GSPT1: variants seen among roughly 807,000 people sequenced by gnomAD.
GSPT1 encodes the protein eukaryotic peptide chain release factor GTP-binding subunit ERF3A.
In GSPT1, 20 loss-of-function variants were observed where a neutral mutation model predicts 72.5. The observed-to-expected ratio is 0.28, with a 90% confidence interval of 0.19 to 0.40. The LOEUF (loss-of-function observed/expected upper bound fraction) is 0.40. GSPT1 is among the 10% of genes least tolerant of loss of function. The probability of loss-of-function intolerance (pLI) is 1.00; values close to 1 mark genes in which losing one functional copy is unlikely to be tolerated. For missense variants in GSPT1, 580 were observed against 811.9 expected, an observed-to-expected ratio of 0.71 and a Z score of 3.47; for synonymous variants, 334 against 293.5, an observed-to-expected ratio of 1.14 and a Z score of -1.41.
At chr16:11,885,124 A>G (rs961965572) in intron 10 of GSPT1, 57 bp downstream of exon 10, 2 of 814,588 alleles carry the variant, frequency 2.5e-6, no homozygotes, top group African/African-American at 1.7e-5. Context: ...TAGAAACAAA[A>G]TGCACAACAA....
intron 5 of GSPT1, among the ~76,000 whole-genome samples, chr16:11,892,901 A>C (rs2141296247): frequency 6.6e-6 from 1 of 150,794 alleles, no homozygotes; most frequent in East Asian, 2.0e-4. Flanking sequence ...CAATCTTGAC[A>C]GATGACACCT....
intron 6 of GSPT1, 49 bp from the exon 7 acceptor site, chr16:11,887,799 T>C: frequency 8.2e-7 from 1 of 1,225,444 alleles, no homozygotes; most frequent in Non-Finnish European, 1.2e-6. Context: ...ACATCAGAGT[T>C]TTTAGGATAT....
At chr16:11,890,010 G>A (rs1386585390) in intron 6 of GSPT1, among the ~76,000 whole-genome samples, 1 of 150,714 alleles carries the variant, frequency 6.6e-6, no homozygotes, top group East Asian at 2.0e-4. Flanking sequence ...GCCCAGGCTG[G>A]AGTGCAGTGG....
At chr16:11,884,706 G>A (rs1279675130) in intron 10 of GSPT1, among the ~76,000 whole-genome samples, 2 of 148,130 alleles carry the variant, frequency 1.4e-5, no homozygotes, top group South Asian at 2.1e-4. Context: ...AGAGGTTGCA[G>A]TGAGCTGACA....
intron 1 of GSPT1, among the ~76,000 whole-genome samples, chr16:11,914,376 A>G (rs991245782): frequency 6.6e-6 from 1 of 152,204 alleles, no homozygotes; most frequent in African/African-American, 2.4e-5. Flanking sequence ...ACCTGCAAGC[A>G]TGCTACCTAC....
At chr16:11,890,958 C>G in intron 6 of GSPT1, 104 bp downstream of exon 6, 1 of 620,676 alleles carries the variant, frequency 1.6e-6, no homozygotes, top group Admixed American at 3.2e-5. Context: ...TGTTGTGATA[C>G]GATTTTAGAC....
At chr16:11,878,088 T>C (rs1203485783) in intron 11 of GSPT1, among the ~76,000 whole-genome samples, 3 of 152,188 alleles carry the variant, frequency 2.0e-5, no homozygotes, top group African/African-American at 7.2e-5. Flanking sequence ...TGGTCTGGAA[T>C]TAGATAGTGA....
chr16:11,885,217 AT>A lies in GSPT1; in HGVS notation c.1310del (p.Asp437ValfsTer35). ...DNLPNFNRSV[D>X]GPIRLPIVDK... is the part of the protein sequence containing the mutation. Reference sequence around the variant, plus strand: ...CCACAATTGGCAGCCTGATTGGTCCATCAACTGATCTATTGAAGTTCGGCAA... The same window carrying A: ...CCACAATTGGCAGCCTGATTGGTCCACAACTGATCTATTGAAGTTCGGCAA... On this transcript the variant is annotated frameshift_variant, in exon 10 of 15. Coordinates refer to ENST00000434724, the MANE Select transcript of GSPT1 (RefSeq NM_002094.4). LOFTEE classifies it high-confidence loss of function. 1 of 1,597,992 alleles carries A rather than the reference AT, an allele frequency of 6.3e-7. No individual in the cohort carries two copies. The highest frequency in any genetic ancestry group is 8.6e-7 in the Non-Finnish European group (1 of 1,165,408).
intron 4 of GSPT1, 87 bp from the exon 5 acceptor site, chr16:11,895,074 T>C: frequency 1.3e-6 from 1 of 771,146 alleles, no homozygotes; most frequent in South Asian, 1.5e-5. Context: ...TTAACATACA[T>C]AATTAAATCT....
chr16:11,916,058 C>T (rs1281707695), upstream of GSPT1: 4 of 598,882 alleles, frequency 6.7e-6, no homozygotes, highest in Non-Finnish European at 1.3e-5. Flanking sequence ...CTCGGTAGTT[C>T]TCTGTTCTGG....
rs2053961119 is a variant in GSPT1, at chr16:11,870,026, T to C, written c.*3093A>G. On this transcript the variant is annotated 3_prime_UTR_variant, in exon 15 of 15. Coordinates refer to ENST00000434724, the MANE Select transcript of GSPT1 (RefSeq NM_002094.4). ...TTGTAGTTTATGTAACCAGCAAATATGAGTTACCTCGTTACAGTGAACAAC... is the reference window on the plus strand; with the variant it reads ...TTGTAGTTTATGTAACCAGCAAATACGAGTTACCTCGTTACAGTGAACAAC... The C allele has an allele frequency of 6.6e-6, 1 of 152,200 alleles. No individual in the cohort carries two copies. The allele number at this position is 152,200 out of a possible 1,614,324, so 9.4% of individuals were successfully genotyped here. A position where few individuals can be genotyped will look rare whatever the true frequency, so the allele number is the denominator to read the frequency against.
At chr16:11,911,026 T>C (rs1413770344) in intron 1 of GSPT1, among the ~76,000 whole-genome samples, 2 of 152,202 alleles carry the variant, frequency 1.3e-5, no homozygotes, top group Non-Finnish European at 2.9e-5. Flanking sequence ...ACTACTGTGA[T>C]ACTCCAGGGA....
Position 11,886,948 on chromosome 16 carries a change from A to C in GSPT1, c.958-17T>G, listed in dbSNP as rs746482281. The C allele has an allele frequency of 2.5e-6, 4 of 1,612,096 alleles. No homozygotes were observed. In the South Asian group the frequency reaches 4.4e-5, roughly 18 times the overall value. Reference sequence around the variant, plus strand: ...TGAGATTACCTAATTCCAAGAAAGGAAACAGTTTACTCCTTCGCCTTCAGG... The same window carrying C: ...TGAGATTACCTAATTCCAAGAAAGGCAACAGTTTACTCCTTCGCCTTCAGG... On this transcript the variant is annotated splice_polypyrimidine_tract_variant and intron_variant, in intron 7 of 14. Coordinates refer to ENST00000434724, the MANE Select transcript of GSPT1 (RefSeq NM_002094.4).
intron 1 of GSPT1, among the ~76,000 whole-genome samples, chr16:11,899,597 A>G (rs1032859415): frequency 6.6e-6 from 1 of 152,162 alleles, no homozygotes; most frequent in African/African-American, 2.4e-5. Flanking sequence ...ACAGGGGGGA[A>G]ACGCATTTGA....
rs1471499027 is a variant in GSPT1, at chr16:11,915,929, C to T, written c.-209G>A. On this transcript the variant is annotated 5_prime_UTR_variant, in exon 1 of 15. Coordinates refer to ENST00000434724, the MANE Select transcript of GSPT1 (RefSeq NM_002094.4). ...ACGACAGAGGCGGCGGCGGCGGCAGCTCAACCCTCCTCCTCGTGTGTGTGA... is the reference window on the plus strand; with the variant it reads ...ACGACAGAGGCGGCGGCGGCGGCAGTTCAACCCTCCTCCTCGTGTGTGTGA... 4.0e-6 allele frequency: 3 copies of T among 758,492 alleles called. No individual in the cohort carries two copies. Among genetic ancestry groups the T allele is most frequent in the Non-Finnish European group, 7.1e-6 (3 of 420,774 alleles). 47.0% of individuals were successfully genotyped at this position (758,492 alleles called of 1,614,324 possible). A position where few individuals can be genotyped will look rare whatever the true frequency, so the allele number is the denominator to read the frequency against.
In GSPT1 at chr16:11,869,965, A is replaced by G. The variant is rs1166608004; in HGVS notation, c.*3154T>C. ...AGGATGCCGGCAACTGTTGAACTAC[A>G]TCACAGTTCAAAGTCCCATATTGTG... On this transcript the variant is annotated 3_prime_UTR_variant, in exon 15 of 15. Transcript: ENST00000434724. The G allele has an allele frequency of 6.6e-6, 1 of 152,212 alleles. No individual in the cohort carries two copies. Among genetic ancestry groups the G allele is most frequent in the Non-Finnish European group, 1.5e-5 (1 of 68,028 alleles). 9.4% of individuals were successfully genotyped at this position (152,212 alleles called of 1,614,324 possible). A position where few individuals can be genotyped will look rare whatever the true frequency, so the allele number is the denominator to read the frequency against.
chr16:11,879,408 G>C (rs188818445), intron 11 of GSPT1, among the ~76,000 whole-genome samples: 1 of 139,962 alleles, frequency 7.1e-6, no homozygotes, highest in African/African-American at 2.7e-5. Flanking sequence ...AAAAAAGAAA[G>C]AAACAAGAGT....
At chr16:11,881,718 G>A (rs955957806) in intron 11 of GSPT1, 2 of 137,918 alleles carry the variant, frequency 1.5e-5, no homozygotes, top group African/African-American at 2.6e-5. Context: ...GCAGTGGTGT[G>A]ATCAGAGCTC....
chr16:11,911,985 G>A (rs919734356), intron 1 of GSPT1, among the ~76,000 whole-genome samples: 82 of 135,972 alleles, frequency 6.0e-4, no homozygotes, highest in African/African-American at 2.3e-3. Flanking sequence ...GAGCCAATGC[G>A]CCCAGCTTGT....
Sources: allele counts gnomAD v4.1 joint callset (sites outside exome capture counted in the v4.1 genomes callset), GRCh38; gene constraint gnomAD v4.1.1; transcripts MANE v1.5; gene names NCBI Gene and HGNC (gene_info 2026-07-23, HGNC 2026-07-21).